DGLUCY: variants seen among roughly 807,000 people sequenced by gnomAD.
The protein encoded by DGLUCY is D-glutamate cyclase, mitochondrial.
Under a neutral mutation model 58.5 loss-of-function variants are expected in DGLUCY, and 58 were observed. That is an observed-to-expected ratio of 0.99 (90% CI 0.80 to 1.23). The LOEUF (loss-of-function observed/expected upper bound fraction) is 1.23, where lower values mean the gene tolerates loss of function less well. Ranked by LOEUF, DGLUCY falls within the 50% of genes most tolerant of loss-of-function variation. The pLI is 0.00. For synonymous variants in DGLUCY, 325 were observed against 314.1 expected (o/e 1.03, Z -0.37); for missense variants, 779 against 784.7 (o/e 0.99, Z 0.09).
chr14:91,202,058 A>AAAAAATAATAATAATAATAATAATAAT (rs1555405476), intron 11 of DGLUCY, among the ~76,000 whole-genome samples: 1 of 142,576 alleles, frequency 7.0e-6, no homozygotes, highest in African/African-American at 2.6e-5. Context: ...TCTGTCTCAA[A>AAAAAATAATAATAATAATAATAATAAT]AATAATAATA....
At chr14:91,175,838 G>A (rs2048822673) in intron 6 of DGLUCY, 96 bp from the exon 7 acceptor site, 2 of 1,387,600 alleles carry the variant, frequency 1.4e-6, no homozygotes, top group African/African-American at 1.4e-5. Context: ...CCTGCAATTT[G>A]AGTTTCTGTT....
intron 1 of DGLUCY, among the ~76,000 whole-genome samples, chr14:91,094,079 C>T (rs532534679): frequency 1.4e-4 from 21 of 152,196 alleles, no homozygotes; most frequent in South Asian, 4.2e-4. Context: ...CTAAATTGTA[C>T]GCTTGAAAAC....
chr14:91,070,051 A>G (rs2043890557), intron 1 of DGLUCY, among the ~76,000 whole-genome samples: 1 of 152,214 alleles, frequency 6.6e-6, no homozygotes, highest in South Asian at 2.1e-4. Flanking sequence ...ATCTACAGAT[A>G]AGGCAAAAAT....
intron 9 of DGLUCY, among the ~76,000 whole-genome samples, chr14:91,191,034 T>C (rs1168081887): frequency 1.3e-5 from 2 of 152,098 alleles, no homozygotes; most frequent in African/African-American, 2.4e-5. Flanking sequence ...ACTGACCCGA[T>C]GGGACCCCGC....
In DGLUCY at chr14:91,108,435, G is replaced by A. The variant is rs140850061; in HGVS notation, c.-82+374G>A. ...AGTTCACAGTCCCTAGAGGAGGGCC[G>A]TCTAAGTCTTTAGACTTGACTCTGT... On this transcript the variant is annotated intron_variant, in intron 1 of 4. Transcript: ENST00000518871. 8.4e-3 allele frequency among the ~76,000 whole-genome samples: 1,259 copies of A among 150,624 alleles called. 10 individuals are homozygous for A. Among genetic ancestry groups the A allele is most frequent in the Non-Finnish European group, 0.013 (860 of 67,732 alleles).
At chr14:91,147,296 C>T (rs17224404) in intron 1 of DGLUCY, among the ~76,000 whole-genome samples, 14,169 of 152,142 alleles carry the variant, frequency 0.093, 780 homozygotes, top group Admixed American at 0.13. Context: ...GAGCTGAGTT[C>T]TGAACATTTG....
intron 1 of DGLUCY, among the ~76,000 whole-genome samples, chr14:91,131,035 C>T (rs1442486715): frequency 6.6e-6 from 1 of 152,084 alleles, no homozygotes; most frequent in African/African-American, 2.4e-5. Context: ...GCAGCCTCAA[C>T]CTCCCCGGCT....
intron 13 of DGLUCY, among the ~76,000 whole-genome samples, chr14:91,223,219 T>C (rs1403311955): frequency 2.0e-5 from 3 of 152,220 alleles, no homozygotes; most frequent in Non-Finnish European, 4.4e-5. Context: ...ACCTGATTAC[T>C]CATCTAGACT....
At chr14:91,196,744 T>TAAA (rs146566022) in intron 10 of DGLUCY, among the ~76,000 whole-genome samples, 1 of 94,870 alleles carries the variant, frequency 1.1e-5, no homozygotes, top group African/African-American at 4.1e-5. Flanking sequence ...GACATAGCAC[T>TAAA]AAAAAAAAAA....
intron 1 of DGLUCY, among the ~76,000 whole-genome samples, chr14:91,096,690 C>G (rs578087994): frequency 1.3e-5 from 2 of 152,176 alleles, no homozygotes; most frequent in East Asian, 1.9e-4. Context: ...TGCCCACCCC[C>G]CTGGCTTGTT....
chr14:91,071,261 C>G (rs1008511777), intron 1 of DGLUCY, among the ~76,000 whole-genome samples: 2 of 146,878 alleles, frequency 1.4e-5, no homozygotes, highest in African/African-American at 5.0e-5. Flanking sequence ...GGTGTGAACT[C>G]AGGAGGCAGA....
chr14:91,096,254 A>G (rs2044393245), intron 1 of DGLUCY, among the ~76,000 whole-genome samples: 1 of 152,130 alleles, frequency 6.6e-6, no homozygotes, highest in South Asian at 2.1e-4. Flanking sequence ...TTTCTACTAA[A>G]AATACAAAAA....
rs560804262 is a variant in DGLUCY, at chr14:91,129,694, T to G, written c.-82+15411T>G. ...GGAGTTTCACTCTTGTTGCCCAGGC[T>G]GGAGTGCAATGGCGCAATCTCGGCT... On this transcript the variant is annotated intron_variant, in intron 1 of 13. Coordinates refer to ENST00000256324, the MANE Select transcript of DGLUCY (RefSeq NM_001102368.3). Among the ~76,000 whole-genome samples the G allele has an allele frequency of 5.3e-5, 8 of 152,228 alleles. No individual in the cohort carries two copies. In the South Asian group the frequency reaches 1.4e-3, roughly 28 times the overall value.
chr14:91,129,233 G>C (rs892108219), intron 1 of DGLUCY, among the ~76,000 whole-genome samples: 2 of 152,058 alleles, frequency 1.3e-5, no homozygotes, highest in African/African-American at 4.8e-5. Flanking sequence ...GTGTCCCTAG[G>C]ATCCAAGTTA....
At chr14:91,122,468 A>T (rs1311513363) in intron 1 of DGLUCY, among the ~76,000 whole-genome samples, 2 of 151,838 alleles carry the variant, frequency 1.3e-5, no homozygotes, top group East Asian at 3.9e-4. Context: ...AAAAAGAAAG[A>T]TTTTTTTTAT....
At chr14:91,074,155 A>ACG (rs2043974059) in intron 1 of DGLUCY, among the ~76,000 whole-genome samples, 1 of 147,110 alleles carries the variant, frequency 6.8e-6, no homozygotes, top group African/African-American at 2.5e-5. Flanking sequence ...ACACACACAC[A>ACG]CACACAGTCA....
chr14:91,130,205 G>A (rs1048345068), intron 1 of DGLUCY, among the ~76,000 whole-genome samples: 1 of 151,994 alleles, frequency 6.6e-6, no homozygotes, highest in African/African-American at 2.4e-5. Context: ...CATTCTTGTC[G>A]ATTTTAATTT....
intron 1 of DGLUCY, among the ~76,000 whole-genome samples, chr14:91,141,377 A>AC (rs2046659677): frequency 6.6e-6 from 1 of 151,940 alleles, no homozygotes; most frequent in South Asian, 2.1e-4. Flanking sequence ...CATCTAAAAA[A>AC]AAAAAAAGAA....
rs146326053 is a variant in DGLUCY at position 91,088,026 on chromosome 14, G to C, written c.-82+27322G>C. ...GAGGCATCTTGGGGAGGTGAAAGCA[G>C]AGGGGAGTCTCCAAGGAGGAGGAGG... On this transcript the variant is annotated intron_variant, in intron 1 of 4. Coordinates refer to the DGLUCY transcript ENST00000521334. 3.0e-3 allele frequency among the ~76,000 whole-genome samples: 463 copies of C among 152,248 alleles called. 5 individuals are homozygous for C. Among genetic ancestry groups the C allele is most frequent in the African/African-American group, 0.011 (447 of 41,536 alleles).
Sources: allele counts gnomAD v4.1 joint callset (sites outside exome capture counted in the v4.1 genomes callset), GRCh38; gene constraint gnomAD v4.1.1; transcripts MANE v1.5; gene names NCBI Gene and HGNC (gene_info 2026-07-23, HGNC 2026-07-21).